Variants in LPP observed in about 807,000 individuals in gnomAD.
LPP encodes the protein lipoma-preferred partner.
A neutral mutation model predicts 60.4 loss-of-function variants in LPP; 38 were observed. The observed-to-expected ratio is 0.63, with a 90% CI of 0.49 to 0.83. The LOEUF (loss-of-function observed/expected upper bound fraction) is 0.83. LPP is among the 40% of genes least tolerant of loss of function. LPP has a pLI of 0.00. For synonymous variants in LPP, 328 were observed against 290.8 expected, an observed-to-expected ratio of 1.13 and a Z score of -1.30; for missense variants, 902 against 783.6, an observed-to-expected ratio of 1.15 and a Z score of -1.80.
At chr3:188,418,323 CTTAACTATTTGAAAAATA>C (rs1428042952) in intron 4 of LPP, among the ~76,000 whole-genome samples, 10 of 152,242 alleles carry the variant, frequency 6.6e-5, no homozygotes, top group Non-Finnish European at 1.2e-4. Flanking sequence ...AGAACAGTAT[CTTAACTATTTGAAAAATA>C]TTGTAGTGGA....
At chr3:188,292,424 C>A (rs1746313537) in intron 2 of LPP, among the ~76,000 whole-genome samples, 1 of 152,186 alleles carries the variant, frequency 6.6e-6, no homozygotes, top group Non-Finnish European at 1.5e-5. Context: ...AAAACAGAAG[C>A]ATGACTCAAA....
At position 188,880,967 on chromosome 3, in the gene LPP, A is replaced by T. The variant is rs1033613697; in HGVS notation, c.*6488A>T. On this transcript the variant is annotated 3_prime_UTR_variant, in exon 12 of 12. Coordinates refer to ENST00000617246, the MANE Select transcript of LPP (RefSeq NM_001375462.1). ...AACACGGTGAAACCCCGTCTCTACT[A>T]AAAAAAAAAAAAAATACAAAAAATT... The T allele has an allele frequency of 0.018, 3 of 170 alleles. No homozygotes were observed. Among genetic ancestry groups the T allele is most frequent in the Non-Finnish European group, 0.25 (2 of 8 alleles). 0.0% of individuals were successfully genotyped at this position (170 alleles called of 1,614,324 possible).
rs533059076 is a variant in LPP at position 188,635,057 on chromosome 3, T to C, written c.1113+25213T>C. Among the ~76,000 whole-genome samples the C allele has an allele frequency of 2.9e-4, 44 of 152,280 alleles. No individual in the cohort carries two copies. In the South Asian group the frequency reaches 3.7e-3, roughly 13 times the overall value. On this transcript the variant is annotated intron_variant, in intron 7 of 11. Transcript: ENST00000617246. Reference sequence around the variant, plus strand: ...CACTCCATCTCCCTAATGTGGGACATGGCAGAAGAGTTACAACTAGAGTAA... The same window carrying C: ...CACTCCATCTCCCTAATGTGGGACACGGCAGAAGAGTTACAACTAGAGTAA...
intron 9 of LPP, among the ~76,000 whole-genome samples, chr3:188,818,283 T>G (rs967917139): frequency 6.6e-6 from 1 of 152,202 alleles, no homozygotes; most frequent in Non-Finnish European, 1.5e-5. Context: ...TAATAACATA[T>G]AATAGGTGTA....
intron 2 of LPP, among the ~76,000 whole-genome samples, chr3:188,240,339 A>T (rs1723734415): frequency 2.1e-5 from 3 of 143,840 alleles, no homozygotes; most frequent in East Asian, 2.0e-4. Flanking sequence ...AGTTTTGGGT[A>T]AGAGTGTGTG....
At chr3:188,163,229 T>C (rs1484934088) in intron 1 of LPP, among the ~76,000 whole-genome samples, 1 of 152,144 alleles carries the variant, frequency 6.6e-6, no homozygotes, top group Non-Finnish European at 1.5e-5. Flanking sequence ...GTAGTTCAAA[T>C]GGAAAGCTGG....
At chr3:188,615,898 C>A in intron 7 of LPP, among the ~76,000 whole-genome samples, 1 of 152,116 alleles carries the variant, frequency 6.6e-6, no homozygotes, top group Non-Finnish European at 1.5e-5. Flanking sequence ...TGGGAGGTGG[C>A]TGCTCATACC....
chr3:188,201,586 A>C (rs1420562240), intron 1 of LPP, among the ~76,000 whole-genome samples: 1 of 152,178 alleles, frequency 6.6e-6, no homozygotes, highest in Non-Finnish European at 1.5e-5. Flanking sequence ...GCATGCCTGT[A>C]ATCCCAGCTA....
chr3:188,287,721 C>CA (rs1308408041), intron 2 of LPP, among the ~76,000 whole-genome samples: 2 of 152,038 alleles, frequency 1.3e-5, no homozygotes. Context: ...TGGCAAGAAG[C>CA]TAAGTAAAGG....
At chr3:188,445,587 T>C (rs1333186212) in intron 4 of LPP, among the ~76,000 whole-genome samples, 4 of 152,022 alleles carry the variant, frequency 2.6e-5, no homozygotes, top group African/African-American at 7.2e-5. Flanking sequence ...TGTATACCTA[T>C]GTAACAAACC....
intron 1 of LPP, among the ~76,000 whole-genome samples, chr3:188,163,631 G>A (rs1719011461): frequency 6.6e-6 from 1 of 152,094 alleles, no homozygotes; most frequent in Non-Finnish European, 1.5e-5. Flanking sequence ...TAGAGGGGGT[G>A]CTAGGTGCTC....
rs147109696 is a variant in LPP at position 188,708,384 on chromosome 3, G to A, written c.1231G>A (p.Glu411Lys). 259 of 1,614,056 alleles carry A rather than the reference G, an allele frequency of 1.6e-4. No homozygotes were observed. Among genetic ancestry groups the A allele is most frequent in the Non-Finnish European group, 2.0e-4 (234 of 1,180,028 alleles). The change falls in exon 8 of 12, where the codon GAA becomes AAA. Residue 411 changes from glutamate to lysine, a missense_variant. Glu to Lys is a moderately conservative substitution (Grantham distance 56, BLOSUM62 1). Coordinates refer to ENST00000617246, the MANE Select transcript of LPP (RefSeq NM_001375462.1). The stretch of plus-strand genomic sequence containing the variant: ...TGACATGGAAAATCCACCTGCTGAC[G>A]AATACTTTGGTGAGTGGGGCCTAGA... The part of the protein sequence containing the change: ...LYDMENPPAD[E>K]YFGRCARCGE...
intron 2 of LPP, among the ~76,000 whole-genome samples, chr3:188,308,249 A>G (rs1421133484): frequency 6.6e-6 from 1 of 152,200 alleles, no homozygotes; most frequent in Non-Finnish European, 1.5e-5. Context: ...TAGTGTTAAT[A>G]TCGCAGCACA....
intron 6 of LPP, among the ~76,000 whole-genome samples, chr3:188,571,730 A>G (rs1213964472): frequency 6.6e-6 from 1 of 152,138 alleles, no homozygotes; most frequent in Non-Finnish European, 1.5e-5. Flanking sequence ...AACACTCTGT[A>G]TCCTCCGCTT....
At chr3:188,482,761 T>A (rs1805174229) in intron 4 of LPP, among the ~76,000 whole-genome samples, 1 of 152,246 alleles carries the variant, frequency 6.6e-6, no homozygotes, top group Non-Finnish European at 1.5e-5. Flanking sequence ...TCCACAGATT[T>A]GTGCACCCAG....
intron 2 of LPP, among the ~76,000 whole-genome samples, chr3:188,226,984 C>T (rs941409468): frequency 9.9e-5 from 15 of 152,004 alleles, no homozygotes; most frequent in African/African-American, 3.4e-4. Context: ...CCCTAGCATA[C>T]GTTTAAGTAT....
At position 188,688,916 on chromosome 3, in the gene LPP, A is replaced by G. The variant is rs1197320202; in HGVS notation, c.1114-19351A>G. On this transcript the variant is annotated intron_variant, in intron 7 of 11. Transcript: ENST00000617246. Reference sequence around the variant, plus strand: ...AATTTCAGTGTTAATCCTAGATTACAATCCCGCCTCTATTATTTTAACTTT... The same window carrying G: ...AATTTCAGTGTTAATCCTAGATTACGATCCCGCCTCTATTATTTTAACTTT... 8.0e-6 allele frequency: 4 copies of G among 501,424 alleles called. No homozygotes were observed. In the East Asian group the frequency reaches 2.2e-4, roughly 28 times the overall value. The allele number at this position is 501,424 out of a possible 1,614,324, so 31.1% of individuals were successfully genotyped here.
chr3:188,371,849 G>T (rs1773351897), intron 3 of LPP, among the ~76,000 whole-genome samples: 1 of 150,508 alleles, frequency 6.6e-6, no homozygotes, highest in Non-Finnish European at 1.5e-5. Context: ...GTAGAGACGG[G>T]GTTTCGCCAT....
chr3:188,354,428 T>C (rs1293628756), intron 3 of LPP, among the ~76,000 whole-genome samples: 1 of 152,212 alleles, frequency 6.6e-6, no homozygotes, highest in African/African-American at 2.4e-5. Context: ...TTCTGTACTT[T>C]GTGTGCGTGT....
Sources: gnomAD v4.1 joint callset for allele counts (sites outside exome capture counted in the v4.1 genomes callset) on GRCh38, gnomAD v4.1.1 for gene constraint, MANE v1.5 for transcripts, NCBI Gene and HGNC (gene_info 2026-07-23, HGNC 2026-07-21) for gene names.